The following COL27A1 variants were observed in gnomAD, a reference collection of about 807,000 sequenced individuals.
COL27A1 encodes the protein collagen type XXVII alpha 1 chain, also known as collagen alpha-1(XXVII) chain.
In COL27A1, 106 loss-of-function variants were observed where a neutral mutation model predicts 251.3. The ratio of observed to expected loss-of-function variants is 0.42; its 90% CI spans 0.36 to 0.50. The LOEUF (loss-of-function observed/expected upper bound fraction) is 0.50. Among genes scored for constraint, COL27A1 ranks in the 20% least tolerant of loss-of-function variants. The pLI, the probability that COL27A1 is intolerant of heterozygous loss-of-function variation, is 0.00. For missense variants in COL27A1, 2,325 were observed against 2,522.8 expected, an observed-to-expected ratio of 0.92 and a Z score of 1.68; for synonymous variants, 1,000 against 986.3, an observed-to-expected ratio of 1.01 and a Z score of -0.26.
intron 48 of COL27A1, 134 bp downstream of exon 48, chr9:114,291,051 C>T: frequency 3.3e-6 from 2 of 602,730 alleles, no homozygotes; most frequent in East Asian, 6.2e-5. Flanking sequence ...TGACCTTTCT[C>T]CGTCAGCAGT....
intron 48 of COL27A1, among the ~76,000 whole-genome samples, chr9:114,291,126 C>A (rs1299052779): frequency 6.6e-6 from 1 of 152,170 alleles, no homozygotes; most frequent in East Asian, 1.9e-4. Flanking sequence ...GTAAATATCG[C>A]CCCTACCAGG....
chr9:114,258,582 A>T lies in COL27A1; in HGVS notation c.3183A>T (p.Ala1061=). The change falls in exon 28 of 61, where the codon GCA becomes GCT. Residue 1061 remains alanine, a synonymous_variant. Coordinates refer to ENST00000356083, the MANE Select transcript of COL27A1 (RefSeq NM_032888.4). The stretch of plus-strand genomic sequence containing the variant: ...GAGGCCCACCAGGCATGAGGGGAGC[A>T]AAGGGACGTCGGGTAAGTCGAGCCC... ...GSRGPPGMRG[A]KGRRGPRGPD... is the part of the protein sequence containing the mutation. 1.2e-6 allele frequency: 2 copies of T among 1,614,090 alleles called. No homozygotes were observed. The highest frequency in any genetic ancestry group is 1.7e-6 in the Non-Finnish European group (2 of 1,180,004).
intron 1 of COL27A1, among the ~76,000 whole-genome samples, chr9:114,157,332 T>C (rs1034694406): frequency 1.1e-4 from 17 of 152,146 alleles, no homozygotes; most frequent in African/African-American, 4.1e-4. Context: ...TCATGTGCGC[T>C]CTGGCGCCAG....
At chr9:114,256,735 C>T (rs565674193) in intron 27 of COL27A1, among the ~76,000 whole-genome samples, 1 of 152,294 alleles carries the variant, frequency 6.6e-6, no homozygotes, top group South Asian at 2.1e-4. Context: ...GATGACAAAA[C>T]TGAGGCCCAG....
At chr9:114,188,601 CA>C (rs1828542891) in intron 5 of COL27A1, among the ~76,000 whole-genome samples, 1 of 152,196 alleles carries the variant, frequency 6.6e-6, no homozygotes, top group East Asian at 1.9e-4. Flanking sequence ...TATATCAAGA[CA>C]TATACCAAGA....
chr9:114,239,640 C>G (rs1468135649), intron 19 of COL27A1, among the ~76,000 whole-genome samples: 1 of 152,208 alleles, frequency 6.6e-6, no homozygotes, highest in Non-Finnish European at 1.5e-5. Context: ...TTCTATTGTA[C>G]AGTCATCCCA....
chr9:114,289,084 G>T, intron 44 of COL27A1, 117 bp downstream of exon 44: 1 of 1,407,362 alleles, frequency 7.1e-7, no homozygotes, highest in Admixed American at 2.0e-5. Context: ...GAGGGTCTGG[G>T]GCAGCCATTT....
chr9:114,221,188 G>A lies in COL27A1; in HGVS notation c.2422-1035G>A, dbSNP rs537575463. On this transcript the variant is annotated intron_variant, in intron 13 of 60. Coordinates refer to ENST00000356083, the MANE Select transcript of COL27A1 (RefSeq NM_032888.4). Reference sequence around the variant, plus strand: ...AGGCAGTGGGATGGGTGGGATCAGAGAGGTCCCAGGTGCCTCTTTGGAGAA... The same window carrying A: ...AGGCAGTGGGATGGGTGGGATCAGAAAGGTCCCAGGTGCCTCTTTGGAGAA... Among the ~76,000 whole-genome samples, 149 of 152,180 alleles carry A rather than the reference G, an allele frequency of 9.8e-4. No individual in the cohort carries two copies. The Middle Eastern group carries it at 0.01, about 10-fold the overall frequency.
At chr9:114,158,103 G>C (rs529296437) in intron 1 of COL27A1, among the ~76,000 whole-genome samples, 1 of 152,170 alleles carries the variant, frequency 6.6e-6, no homozygotes, top group African/African-American at 2.4e-5. Context: ...GGCACAGGGG[G>C]TCTGGCCAGT....
At chr9:114,178,387 T>C (rs1206955158) in intron 4 of COL27A1, 43 bp downstream of exon 4, 13 of 1,576,834 alleles carry the variant, frequency 8.2e-6, no homozygotes, top group East Asian at 4.5e-5. Context: ...TGGTGGCTCT[T>C]TGGCCTGCGT....
At chr9:114,254,407 A>G (rs1833786690) in intron 27 of COL27A1, among the ~76,000 whole-genome samples, 1 of 152,068 alleles carries the variant, frequency 6.6e-6, no homozygotes, top group Non-Finnish European at 1.5e-5. Flanking sequence ...CATTTGGAGC[A>G]GGTAGAACTT....
chr9:114,260,178 C>A (rs1189342144), intron 28 of COL27A1, among the ~76,000 whole-genome samples: 2 of 152,236 alleles, frequency 1.3e-5, no homozygotes, highest in Non-Finnish European at 2.9e-5. Flanking sequence ...GGGCTCCCTT[C>A]AACCATCTCC....
chr9:114,292,410 G>A (rs899290183), intron 49 of COL27A1, among the ~76,000 whole-genome samples, 200 bp downstream of exon 49: 4 of 152,142 alleles, frequency 2.6e-5, no homozygotes, highest in Non-Finnish European at 4.4e-5. Context: ...TGGTGGGGGA[G>A]GCTGAGGAAA....
At chr9:114,185,942 C>T (rs1828307712) in intron 5 of COL27A1, among the ~76,000 whole-genome samples, 1 of 152,114 alleles carries the variant, frequency 6.6e-6, no homozygotes, top group African/African-American at 2.4e-5. Context: ...TTGAGGAAGA[C>T]CAAGAAAGAG....
At chr9:114,264,867 T>G in intron 29 of COL27A1, 57 bp from the exon 30 acceptor site, 9 of 1,556,812 alleles carry the variant, frequency 5.8e-6, no homozygotes, top group South Asian at 1.2e-5. Context: ...GGTCCCTTTT[T>G]GGGGAACGGT....
chr9:114,192,744 A>G (rs904289126), intron 5 of COL27A1, among the ~76,000 whole-genome samples: 5 of 152,230 alleles, frequency 3.3e-5, no homozygotes, highest in African/African-American at 9.6e-5. Context: ...GTTGGTGCAC[A>G]GAGTGGGGCT....
chr9:114,213,118 C>T (rs1167271392), intron 12 of COL27A1, among the ~76,000 whole-genome samples: 4 of 152,206 alleles, frequency 2.6e-5, no homozygotes, highest in Non-Finnish European at 4.4e-5. Context: ...TAGAACACAA[C>T]CAGAGCTTTC....
At chr9:114,233,625 G>A (rs192517921) in intron 16 of COL27A1, among the ~76,000 whole-genome samples, 16 of 152,300 alleles carry the variant, frequency 1.1e-4, no homozygotes, top group Admixed American at 9.2e-4. Flanking sequence ...TGAGAGTGTA[G>A]GCAGTGAGCT....
chr9:114,214,563 T>C (rs1311782088), intron 12 of COL27A1, among the ~76,000 whole-genome samples: 1 of 152,180 alleles, frequency 6.6e-6, no homozygotes, highest in Non-Finnish European at 1.5e-5. Context: ...TGGCCCAAAC[T>C]CTTTTTCAGA....
Sources: allele counts gnomAD v4.1 joint callset (sites outside exome capture counted in the v4.1 genomes callset), GRCh38; gene constraint gnomAD v4.1.1; transcripts MANE v1.5; gene names NCBI Gene and HGNC (gene_info 2026-07-23, HGNC 2026-07-21).